The following LRRK1 variants were observed in gnomAD, a reference collection of about 807,000 sequenced individuals.
The protein encoded by LRRK1 is leucine-rich repeat serine/threonine-protein kinase 1.
In LRRK1, 113 loss-of-function variants were observed where a neutral mutation model predicts 209.1. The observed-to-expected ratio is 0.54, with a 90% confidence interval of 0.46 to 0.63. The LOEUF (loss-of-function observed/expected upper bound fraction) is 0.63. Among genes scored for constraint, LRRK1 ranks in the 30% least tolerant of loss-of-function variants. LRRK1 has a pLI of 0.00. For missense variants in LRRK1, 2,284 were observed against 2,632.2 expected (o/e 0.87, Z 2.89); for synonymous variants, 1,144 against 1,099.7 (o/e 1.04, Z -0.80).
At chr15:101,006,370 GATAAAA>G (rs775636458) in intron 6 of LRRK1, among the ~76,000 whole-genome samples, 2 of 82,620 alleles carry the variant, frequency 2.4e-5, no homozygotes, top group African/African-American at 1.4e-4. Flanking sequence ...ACGACAATGT[GATAAAA>G]AAAAAAAAAA....
chr15:101,062,448 A>T, intron 30 of LRRK1, 126 bp from the exon 31 acceptor site: 1 of 693,042 alleles, frequency 1.4e-6, no homozygotes, highest in Non-Finnish European at 2.6e-6. Context: ...AGAACGTGTC[A>T]ATCCATGTAA....
chr15:100,964,291 C>T (rs12438289), intron 2 of LRRK1, among the ~76,000 whole-genome samples: 32,398 of 152,094 alleles, frequency 0.21, 3,766 homozygotes, highest in East Asian at 0.5. Context: ...TTCCCAAAGA[C>T]GTCAAGGGTT....
chr15:100,954,794 T>C (rs2042720206), intron 2 of LRRK1, among the ~76,000 whole-genome samples: 1 of 152,252 alleles, frequency 6.6e-6, no homozygotes, highest in Non-Finnish European at 1.5e-5. Context: ...CAAAGATTAG[T>C]TATTTGTATA....
intron 2 of LRRK1, among the ~76,000 whole-genome samples, chr15:100,959,753 G>T (rs2042837621): frequency 6.6e-6 from 1 of 152,172 alleles, no homozygotes; most frequent in East Asian, 1.9e-4. Flanking sequence ...ACAAGAAGAT[G>T]ATAATATTCA....
intron 12 of LRRK1, among the ~76,000 whole-genome samples, chr15:101,016,865 G>A (rs1405129573): frequency 1.3e-5 from 2 of 152,342 alleles, no homozygotes; most frequent in African/African-American, 2.4e-5. Flanking sequence ...ACAGGGGCTC[G>A]TGGTCTTCCC....
At position 101,012,125 on chromosome 15, in the gene LRRK1, C is replaced by T. The variant is rs1379637544; in HGVS notation, c.1399C>T (p.Leu467=). ...AGAAAACGCACTCAAAGAAGTTCCC[C>T]TGGGACTTTTCCAGCTTGATGTAAG... is the stretch of plus-strand genomic sequence containing the variant. ...FSENALKEVP[L]GLFQLDALMF... The change falls in exon 10 of 34, where the codon CTG becomes TTG. Residue 467 remains leucine (L), a synonymous_variant. Coordinates refer to ENST00000388948, the MANE Select transcript of LRRK1 (RefSeq NM_024652.6). 1 of 1,608,936 alleles carries T rather than the reference C, an allele frequency of 6.2e-7. No individual in the cohort carries two copies. Among genetic ancestry groups the T allele is most frequent in the Non-Finnish European group, 8.5e-7 (1 of 1,178,756 alleles).
In LRRK1 at chr15:101,023,000, A is replaced by G. The variant is rs7166644; in HGVS notation, c.2067+403A>G. On this transcript the variant is annotated intron_variant, in intron 15 of 33. Coordinates refer to ENST00000388948, the MANE Select transcript of LRRK1 (RefSeq NM_024652.6). This position sits in a 1 kb window ranked among gnomAD's most constrained non-coding sequence, Gnocchi z 4.0. Reference sequence around the variant, plus strand: ...CCTTGAGGGGCTTTTAAAGATAGCAATTCCCAGGCCTCACCTCACTGCTCT... The same window carrying G: ...CCTTGAGGGGCTTTTAAAGATAGCAGTTCCCAGGCCTCACCTCACTGCTCT... 0.078 allele frequency among the ~76,000 whole-genome samples: 11,809 copies of G among 151,938 alleles called. 1,538 individuals are homozygous for G. Among genetic ancestry groups the G allele is most frequent in the African/African-American group, 0.27 (10,974 of 41,326 alleles).
At chr15:101,051,599 C>T in intron 23 of LRRK1, 112 bp from the exon 24 acceptor site, 1 of 1,380,420 alleles carries the variant, frequency 7.2e-7, no homozygotes, top group South Asian at 1.4e-5. Context: ...CAGGCCAGGA[C>T]AGGCAGCTCC....
intron 2 of LRRK1, among the ~76,000 whole-genome samples, chr15:100,943,997 G>A (rs955910933): frequency 1.3e-5 from 2 of 152,078 alleles, no homozygotes; most frequent in African/African-American, 4.8e-5. Context: ...TATCTTAAAT[G>A]TTCAGCCTCC....
chr15:101,051,125 C>T (rs1027800979), intron 23 of LRRK1, among the ~76,000 whole-genome samples: 1 of 152,224 alleles, frequency 6.6e-6, no homozygotes, highest in African/African-American at 2.4e-5. Flanking sequence ...AGGCATCCAC[C>T]TCCTACCTTG....
intron 3 of LRRK1, among the ~76,000 whole-genome samples, chr15:100,977,014 A>C (rs1488828203): frequency 2.0e-5 from 3 of 152,212 alleles, no homozygotes; most frequent in East Asian, 1.9e-4. Context: ...TCTAGACGTT[A>C]CATGTAAAAC....
At chr15:101,011,310 TAA>T (rs542617086) in intron 9 of LRRK1, among the ~76,000 whole-genome samples, 21 of 138,256 alleles carry the variant, frequency 1.5e-4, no homozygotes, top group Admixed American at 2.1e-4. Flanking sequence ...CTACTAAAAT[TAA>T]AAAAAAAAAA....
In LRRK1 at chr15:101,068,896, G is replaced by T; in HGVS notation, c.*48G>T. 6.6e-7 allele frequency: 1 copy of T among 1,519,906 alleles called. No homozygotes were observed. The highest frequency in any genetic ancestry group is 8.9e-7 in the Non-Finnish European group (1 of 1,126,324). 94.2% of individuals were successfully genotyped at this position (1,519,906 alleles called of 1,614,324 possible). On this transcript the variant is annotated 3_prime_UTR_variant, in exon 34 of 34. Coordinates refer to ENST00000388948, the MANE Select transcript of LRRK1 (RefSeq NM_024652.6). ...CATCAGAGCTGGCTGGCCCGGGGCT[G>T]CAGCCTGACCCCTCTGCCATCGGCC...
Position 101,057,017 on chromosome 15 carries a change from C to G in LRRK1, c.4494C>G (p.Leu1498=), listed in dbSNP as rs766616360. 2 of 1,613,088 alleles carry G rather than the reference C, an allele frequency of 1.2e-6. No individual in the cohort carries two copies. Among genetic ancestry groups the G allele is most frequent in the Non-Finnish European group, 1.7e-6 (2 of 1,179,468 alleles). ...EEVQFRRLQA[L]MMECWDTKPE... ...TGCAGTTCCGGCGACTGCAGGCGCT[C>G]ATGATGGAGTGCTGGGACACTAAGC... The change falls in exon 28 of 34, where the codon CTC becomes CTG. Residue 1498 remains leucine, a synonymous_variant. Coordinates refer to ENST00000388948, the MANE Select transcript of LRRK1 (RefSeq NM_024652.6).
chr15:101,010,480 G>C lies in LRRK1; in HGVS notation c.1020G>C (p.Lys340Asn), dbSNP rs1162564377. ...RLLEIDISSN[K>N]LSHLPPGFLH... is the part of the protein sequence containing the mutation. ...TTGAAATTGACATTTCCAGCAACAA[G>C]TTGTCCCACCTCCCTCCTGGATTCT... Residue 340 changes from lysine (K) to asparagine (N), a missense_variant, in exon 8 of 34, where the codon AAG becomes AAC. Coordinates refer to ENST00000388948, the MANE Select transcript of LRRK1 (RefSeq NM_024652.6). 6.2e-7 allele frequency: 1 copy of C among 1,611,782 alleles called. No individual in the cohort carries two copies. Among genetic ancestry groups the C allele is most frequent in the Non-Finnish European group, 8.5e-7 (1 of 1,179,440 alleles).
At chr15:100,998,386 C>G (rs139772439) in intron 6 of LRRK1, among the ~76,000 whole-genome samples, 1 of 152,298 alleles carries the variant, frequency 6.6e-6, no homozygotes, top group African/African-American at 2.4e-5. Flanking sequence ...CCTTCCTTAA[C>G]CCTCAGGCCT....
chr15:101,040,087 G>C (rs372348077), intron 20 of LRRK1, among the ~76,000 whole-genome samples: 1 of 152,112 alleles, frequency 6.6e-6, no homozygotes. Flanking sequence ...AAAATGAATT[G>C]AAAAGATTTT....
chr15:101,069,929 T>C lies in LRRK1; in HGVS notation c.*1081T>C, dbSNP rs1465890834. 5 of 152,248 alleles carry C rather than the reference T, an allele frequency of 3.3e-5. No homozygotes were observed. The highest frequency in any genetic ancestry group is 5.9e-5 in the Non-Finnish European group (4 of 68,048). 9.4% of individuals were successfully genotyped at this position (152,248 alleles called of 1,614,324 possible). Reference sequence around the variant, plus strand: ...ACACATGTGCAAACATAGCCACTTTTTTGTCAAGAGTTACCCTTTGGGGCT... The same window carrying C: ...ACACATGTGCAAACATAGCCACTTTCTTGTCAAGAGTTACCCTTTGGGGCT... On this transcript the variant is annotated 3_prime_UTR_variant, in exon 34 of 34. Coordinates refer to ENST00000388948, the MANE Select transcript of LRRK1 (RefSeq NM_024652.6).
chr15:101,007,376 T>C (rs1242057167), intron 6 of LRRK1, among the ~76,000 whole-genome samples: 1 of 152,158 alleles, frequency 6.6e-6, no homozygotes, highest in Non-Finnish European at 1.5e-5. Context: ...TTGAGCCCAA[T>C]ATTCTTCGGT....
Sources: allele counts gnomAD v4.1 joint callset (sites outside exome capture counted in the v4.1 genomes callset), GRCh38; gene constraint gnomAD v4.1.1; non-coding constraint Gnocchi (gnomAD v3.1); transcripts MANE v1.5; gene names NCBI Gene and HGNC (gene_info 2026-07-23, HGNC 2026-07-21).